Variants in HNRNPUL2 observed in about 807,000 individuals in gnomAD.
HNRNPUL2 encodes heterogeneous nuclear ribonucleoprotein U like 2, also known as heterogeneous nuclear ribonucleoprotein U-like protein 2.
HNRNPUL2 carries 27 observed loss-of-function variants against 102.2 expected under a neutral mutation model. The ratio of observed to expected loss-of-function variants is 0.26; its 90% CI spans 0.19 to 0.36. The LOEUF (loss-of-function observed/expected upper bound fraction) is 0.36. Among genes scored for constraint, HNRNPUL2 ranks in the 10% least tolerant of loss-of-function variants. The pLI, the probability that HNRNPUL2 is intolerant of heterozygous loss-of-function variation, is 1.00. For missense variants in HNRNPUL2, 936 were observed against 981.1 expected (o/e 0.95, Z 0.61); for synonymous variants, 458 against 387.2 (o/e 1.18, Z -2.15).
rs965932522 is a variant in HNRNPUL2 at position 62,727,000 on chromosome 11, G to A, written c.157C>T (p.Pro53Ser). 1.4e-3 allele frequency: 1,876 copies of A among 1,357,460 alleles called. 5 individuals are homozygous for A. The highest frequency in any genetic ancestry group is 1.7e-3 in the Non-Finnish European group (1,797 of 1,057,360). 84.1% of individuals were successfully genotyped at this position (1,357,460 alleles called of 1,614,324 possible). The change falls in exon 1 of 14, where the codon CCC becomes TCC. Residue 53 changes from proline (P) to serine (S), a missense_variant. Pro to Ser is a moderately conservative substitution (Grantham distance 74). This residue lies in a region of HNRNPUL2 where 327 missense variants were observed against 268.1 expected (regional missense o/e 1.22). Coordinates refer to ENST00000301785, the MANE Select transcript of HNRNPUL2 (RefSeq NM_001079559.3). The stretch of plus-strand genomic sequence containing the variant: ...GGCTCCGCCTTGCAGGCCCCGCCGG[G>A]CCCGGCCCCGCCGCCGCCGGCCTCG... Reference protein sequence around the residue: ...EDEAGGGGAGPGGACKAEPRP... With the variant: ...EDEAGGGGAGSGGACKAEPRP...
rs1158854308 is a variant in HNRNPUL2 at position 62,713,146 on chromosome 11, C to G, written c.*2153G>C. On this transcript the variant is annotated 3_prime_UTR_variant, in exon 14 of 14. Transcript: ENST00000301785. ...CAAATATCAACAGCGAGTACCTCCC[C>G]TAACCCCTGCTGGAAAAAAACTCAA... 3 of 152,162 alleles carry G rather than the reference C, an allele frequency of 2.0e-5. No individual in the cohort carries two copies. The highest frequency in any genetic ancestry group is 4.4e-5 in the Non-Finnish European group (3 of 68,034). The allele number at this position is 152,162 out of a possible 1,614,324, so 9.4% of individuals were successfully genotyped here. A position where few individuals can be genotyped will look rare whatever the true frequency, so the allele number is the denominator to read the frequency against.
intron 10 of HNRNPUL2, among the ~76,000 whole-genome samples, chr11:62,717,653 C>T (rs761376326): frequency 4.6e-4 from 70 of 152,174 alleles, no homozygotes; most frequent in Admixed American, 2.6e-3. Flanking sequence ...GTCAGGAGTT[C>T]GAGACCAGCC....
chr11:62,727,155 A>ATCG lies in HNRNPUL2; in HGVS notation c.-2_1dup (p.Arg1_?0), dbSNP rs947382289. ...GGTCACTTTCAGCCGCTTCACCTCC[A>ATCG]TCGCCGCCGCCGCCTCCTCCGCCTC... is the stretch of plus-strand genomic sequence containing the variant. On this transcript the variant is annotated start_lost and start_retained_variant, in exon 1 of 14. Coordinates refer to ENST00000301785, the MANE Select transcript of HNRNPUL2 (RefSeq NM_001079559.3). 1 of 1,416,540 alleles carries ATCG rather than the reference A, an allele frequency of 7.1e-7. No individual in the cohort carries two copies. Among genetic ancestry groups the ATCG allele is most frequent in the African/African-American group, 1.5e-5 (1 of 65,180 alleles). The allele number at this position is 1,416,540 out of a possible 1,614,324, so 87.7% of individuals were successfully genotyped here.
chr11:62,722,441 T>C (rs1272913528), intron 6 of HNRNPUL2, 61 bp from the exon 7 acceptor site: 12 of 1,564,296 alleles, frequency 7.7e-6, no homozygotes, highest in Middle Eastern at 1.7e-4. Flanking sequence ...GATTAAACTT[T>C]ACAATTTATT....
chr11:62,723,029 A>C, intron 4 of HNRNPUL2, 126 bp from the exon 5 acceptor site: 1 of 692,030 alleles, frequency 1.4e-6, no homozygotes, highest in East Asian at 2.7e-5. Flanking sequence ...TCAGAATAAC[A>C]ATCACTGAAC....
intron 4 of HNRNPUL2, 81 bp downstream of exon 4, chr11:62,723,506 A>C: frequency 7.2e-7 from 1 of 1,387,844 alleles, no homozygotes; most frequent in Non-Finnish European, 9.7e-7. Flanking sequence ...AAAAAGAGAT[A>C]ATAATCTTCT....
chr11:62,726,979 C>T lies in HNRNPUL2; in HGVS notation c.178G>A (p.Glu60Lys). Residue 60 changes from glutamate (E) to lysine (K), a missense_variant, in exon 1 of 14, where the codon GAG becomes AAG. By Grantham distance (56) the Glu-to-Lys change is moderately conservative (BLOSUM62 1). Coordinates refer to ENST00000301785, the MANE Select transcript of HNRNPUL2 (RefSeq NM_001079559.3). ...GAGPGGACKA[E>K]PRPVAASGGG... is the part of the protein sequence containing the mutation. The stretch of plus-strand genomic sequence containing the variant: ...CCCGACGCGGCCACAGGCCGAGGCT[C>T]CGCCTTGCAGGCCCCGCCGGGCCCG... 7.1e-7 allele frequency: 1 copy of T among 1,400,968 alleles called. No individual in the cohort carries two copies. 86.8% of individuals were successfully genotyped at this position (1,400,968 alleles called of 1,614,324 possible).
chr11:62,719,947 T>TAAACCTCTA, intron 10 of HNRNPUL2, 76 bp downstream of exon 10: 1 of 1,376,784 alleles, frequency 7.3e-7, no homozygotes. Flanking sequence ...ATGAGGGAAA[T>TAAACCTCTA]AAACCTCTAT....
In HNRNPUL2 at chr11:62,720,121, A is replaced by G; in HGVS notation, c.1682T>C (p.Val561Ala). 1 of 1,614,100 alleles carries G rather than the reference A, an allele frequency of 6.2e-7. No homozygotes were observed. The highest frequency in any genetic ancestry group is 8.5e-7 in the Non-Finnish European group (1 of 1,179,966). ...CCAATCTTCCTCATTAGGGACAACC[A>G]CCACCACTTTCCGAGAGAAGGTCTT... ...LFKTFSRKVV[V>A]VVPNEEDWKK... Residue 561 changes from valine (V) to alanine (A), a missense_variant, in exon 10 of 14, where the codon GTG (valine) becomes GCG (alanine). This residue lies in a region of HNRNPUL2 where 609 missense variants were observed against 713.0 expected (regional missense o/e 0.85). Coordinates refer to ENST00000301785, the MANE Select transcript of HNRNPUL2 (RefSeq NM_001079559.3).
chr11:62,716,686 T>C (rs1050322952), intron 11 of HNRNPUL2, among the ~76,000 whole-genome samples: 16 of 152,200 alleles, frequency 1.1e-4, no homozygotes, highest in Admixed American at 6.5e-4. Context: ...TGGGAACCCA[T>C]ATGTTAAAAT....
rs1171333682 is a variant in HNRNPUL2, at chr11:62,718,600, G to A, written c.1781-1411C>T. Among the ~76,000 whole-genome samples, 5 of 150,654 alleles carry A rather than the reference G, an allele frequency of 3.3e-5. No individual in the cohort carries two copies. In the Admixed American group the frequency reaches 3.3e-4, roughly 10 times the overall value. Reference sequence around the variant, plus strand: ...CCCAGCTACTCAAGAGGCTGAGGCAGGAGAATCGCTTGAACCCGGGAGGCG... The same window carrying A: ...CCCAGCTACTCAAGAGGCTGAGGCAAGAGAATCGCTTGAACCCGGGAGGCG... On this transcript the variant is annotated intron_variant, in intron 10 of 13. Coordinates refer to ENST00000301785, the MANE Select transcript of HNRNPUL2 (RefSeq NM_001079559.3).
intron 1 of HNRNPUL2, among the ~76,000 whole-genome samples, chr11:62,726,188 C>A (rs2083744506): frequency 6.6e-6 from 1 of 152,150 alleles, no homozygotes. Flanking sequence ...TGACGGACTT[C>A]GATTTTTGCT....
At chr11:62,720,989 A>T (rs1343594633) in intron 9 of HNRNPUL2, among the ~76,000 whole-genome samples, 1 of 152,098 alleles carries the variant, frequency 6.6e-6, no homozygotes, top group African/African-American at 2.4e-5. Context: ...TGTTTTGCTC[A>T]TCAGGGAAAC....
chr11:62,721,233 A>T, intron 9 of HNRNPUL2, 62 bp downstream of exon 9: 1 of 1,458,884 alleles, frequency 6.9e-7, no homozygotes, highest in Middle Eastern at 1.8e-4. Flanking sequence ...CTGCTCCTTA[A>T]TTCAGTCTCT....
chr11:62,726,902 GTCCTCC>G lies in HNRNPUL2; in HGVS notation c.249_254del (p.Glu83_Glu84del), dbSNP rs746596459. On this transcript the variant is annotated inframe_deletion, in exon 1 of 14. Coordinates refer to ENST00000301785, the MANE Select transcript of HNRNPUL2 (RefSeq NM_001079559.3). The stretch of plus-strand genomic sequence containing the variant: ...CCTCGTCCTCAAGCAGCGCCTCCTC[GTCCTCC>G]TCCTCCTCCTCTTCGTCCTCCTCCT... The G allele has an allele frequency of 1.8e-5, 28 of 1,555,996 alleles. No individual in the cohort carries two copies. The African/African-American group carries it at 2.2e-4, about 12-fold the overall frequency.
At position 62,722,148 on chromosome 11, in the gene HNRNPUL2, G is replaced by A. The variant is rs772251720; in HGVS notation, c.1328C>T (p.Ala443Val). Residue 443 changes from alanine (A) to valine (V), a missense_variant, in exon 7 of 14, where the codon GCA becomes GTA. This residue lies in a region of HNRNPUL2 where 609 missense variants were observed against 713.0 expected (regional missense o/e 0.85). Coordinates refer to ENST00000301785, the MANE Select transcript of HNRNPUL2 (RefSeq NM_001079559.3). ...AVPVEERVRT[A>V]VPPKTIEECE... ...TTCCTCTATGGTCTTGGGAGGGACT[G>A]CAGTGCGTACACGCTCCTCAACAGG... The A allele has an allele frequency of 4.3e-6, 7 of 1,613,960 alleles. No homozygotes were observed. The East Asian group carries it at 1.6e-4, about 36-fold the overall frequency.
chr11:62,715,491 G>A lies in HNRNPUL2; in HGVS notation c.2163+9C>T. On this transcript the variant is annotated intron_variant, in intron 13 of 13. Transcript: ENST00000301785. ...CTTCACCCTGTGTCTATCCCAAGAA[G>A]ATACTCACATCCCGATTGTATTGTC... The A allele has an allele frequency of 1.9e-6, 3 of 1,601,354 alleles. No homozygotes were observed. The highest frequency in any genetic ancestry group is 1.7e-6 in the Non-Finnish European group (2 of 1,168,764).
rs938557009 is a variant in HNRNPUL2, at chr11:62,713,080, C to G, written c.*2219G>C. ...ATGTGGCAGTTTCACTTTCCACCCA[C>G]CTAGAAAAACAGTTTTGTAAAAAAG... On this transcript the variant is annotated 3_prime_UTR_variant, in exon 14 of 14. Coordinates refer to ENST00000301785, the MANE Select transcript of HNRNPUL2 (RefSeq NM_001079559.3). 3 of 152,212 alleles carry G rather than the reference C, an allele frequency of 2.0e-5. No homozygotes were observed. Among genetic ancestry groups the G allele is most frequent in the Admixed American group, 2.0e-4 (3 of 15,274 alleles). The allele number at this position is 152,212 out of a possible 1,614,324, so 9.4% of individuals were successfully genotyped here. A position where few individuals can be genotyped will look rare whatever the true frequency, so the allele number is the denominator to read the frequency against.
chr11:62,725,510 T>G (rs2083738478), intron 1 of HNRNPUL2, among the ~76,000 whole-genome samples: 1 of 152,210 alleles, frequency 6.6e-6, no homozygotes, highest in Non-Finnish European at 1.5e-5. Flanking sequence ...ATCCTTCAAT[T>G]ATTTTTTTAT....
Sources: gnomAD v4.1 joint callset for allele counts (sites outside exome capture counted in the v4.1 genomes callset) on GRCh38, gnomAD v4.1.1 for gene constraint, gnomAD v4.1.1 regional missense constraint, MANE v1.5 for transcripts, NCBI Gene and HGNC (gene_info 2026-07-23, HGNC 2026-07-21) for gene names.